PLCXD3: variants seen among roughly 807,000 people sequenced by gnomAD.
The protein encoded by PLCXD3 is PI-PLC X domain-containing protein 3.
In PLCXD3, 19 loss-of-function variants were observed where a neutral mutation model predicts 25.5. The observed-to-expected ratio is 0.75, with a 90% CI of 0.52 to 1.09. The LOEUF is 1.09. PLCXD3 is among the 50% of genes least tolerant of loss of function. The pLI, the probability that PLCXD3 is intolerant of heterozygous loss-of-function variation, is 0.00. For missense variants in PLCXD3, 411 were observed against 388.1 expected (o/e 1.06, Z -0.50); for synonymous variants, 174 against 137.6 (o/e 1.26, Z -1.85).
chr5:41,331,536 C>G (rs979364625), intron 2 of PLCXD3, among the ~76,000 whole-genome samples: 3 of 152,172 alleles, frequency 2.0e-5, no homozygotes, highest in African/African-American at 7.2e-5. Context: ...TTTGTAGATT[C>G]AAGGCCATCC....
At chr5:41,463,919 T>C (rs1391727597) in intron 1 of PLCXD3, among the ~76,000 whole-genome samples, 2 of 151,974 alleles carry the variant, frequency 1.3e-5, no homozygotes, top group South Asian at 4.1e-4. Flanking sequence ...TCCTACATCC[T>C]TGGGAGCTCA....
intron 2 of PLCXD3, among the ~76,000 whole-genome samples, chr5:41,327,180 A>C (rs147414598): frequency 1.3e-5 from 2 of 152,262 alleles, no homozygotes; most frequent in African/African-American, 4.8e-5. Context: ...GCACATGCAA[A>C]AGCATGTGGG....
chr5:41,382,611 C>T, intron 1 of PLCXD3, 77 bp from the exon 2 acceptor site: 1 of 1,108,792 alleles, frequency 9.0e-7, no homozygotes, highest in South Asian at 1.6e-5. Context: ...CTTGCAATAT[C>T]CATACCTCTC....
chr5:41,323,364 G>A (rs926750946), intron 2 of PLCXD3, among the ~76,000 whole-genome samples: 1 of 152,192 alleles, frequency 6.6e-6, no homozygotes, highest in Non-Finnish European at 1.5e-5. Flanking sequence ...CTTAAAAAGT[G>A]TAATTGGATT....
intron 1 of PLCXD3, among the ~76,000 whole-genome samples, chr5:41,501,945 G>A (rs761624243): frequency 6.6e-6 from 1 of 152,140 alleles, no homozygotes; most frequent in Non-Finnish European, 1.5e-5. Flanking sequence ...CCTGAAGGTA[G>A]GGAAGATATT....
chr5:41,321,618 G>A (rs1382003925), intron 2 of PLCXD3, among the ~76,000 whole-genome samples: 1 of 152,128 alleles, frequency 6.6e-6, no homozygotes, highest in African/African-American at 2.4e-5. Context: ...ACCCAGCATA[G>A]CCAAAGTTAT....
intron 1 of PLCXD3, among the ~76,000 whole-genome samples, chr5:41,432,729 G>T (rs1272490529): frequency 2.6e-5 from 4 of 152,136 alleles, no homozygotes. Flanking sequence ...AGAACATTCT[G>T]TTTATTTAAT....
intron 1 of PLCXD3, among the ~76,000 whole-genome samples, chr5:41,461,389 G>A (rs1346461458): frequency 6.6e-6 from 1 of 151,924 alleles, no homozygotes; most frequent in African/African-American, 2.4e-5. Flanking sequence ...TAAAAGGGGA[G>A]AAAGTGTAAT....
intron 2 of PLCXD3, among the ~76,000 whole-genome samples, chr5:41,321,780 T>C (rs979815220): frequency 1.3e-5 from 2 of 152,186 alleles, no homozygotes; most frequent in African/African-American, 4.8e-5. Flanking sequence ...ACATTTACGG[T>C]CAACTCACTT....
intron 2 of PLCXD3, 59 bp from the exon 3 acceptor site, chr5:41,313,829 A>G: frequency 6.7e-7 from 1 of 1,488,586 alleles, no homozygotes; most frequent in East Asian, 2.3e-5. Flanking sequence ...TTCAAGCTCT[A>G]CAATTCTCAG....
At chr5:41,473,928 C>T (rs920338053) in intron 1 of PLCXD3, among the ~76,000 whole-genome samples, 12 of 152,150 alleles carry the variant, frequency 7.9e-5, no homozygotes, top group African/African-American at 2.7e-4. Flanking sequence ...GCCCCTTCCT[C>T]TTTTTAAATT....
chr5:41,492,625 TG>T lies in PLCXD3; in HGVS notation c.103+17798del, dbSNP rs576398834. On this transcript the variant is annotated intron_variant, in intron 1 of 2. Transcript: ENST00000377801. ...ATAGTCCCATATTTCTTGGAGGCTT[TG>T]TTCGTTTCTTTTTATTCTTTTTTTC... 4.5e-3 allele frequency among the ~76,000 whole-genome samples: 687 copies of T among 152,302 alleles called. 9 individuals carry two copies. The highest frequency in any genetic ancestry group is 0.016 in the African/African-American group (656 of 41,562).
chr5:41,430,142 T>C (rs1046486372), intron 1 of PLCXD3, among the ~76,000 whole-genome samples: 1 of 152,212 alleles, frequency 6.6e-6, no homozygotes, highest in African/African-American at 2.4e-5. Flanking sequence ...AACTCCATCA[T>C]AGTAACAATA....
chr5:41,491,753 C>T (rs1748702766), intron 1 of PLCXD3, among the ~76,000 whole-genome samples: 2 of 152,038 alleles, frequency 1.3e-5, no homozygotes, highest in Non-Finnish European at 2.9e-5. Context: ...ACTAGGATTG[C>T]AACCCCTGCC....
intron 1 of PLCXD3, among the ~76,000 whole-genome samples, chr5:41,460,596 G>A (rs563030654): frequency 1.3e-5 from 2 of 151,954 alleles, no homozygotes; most frequent in Non-Finnish European, 2.9e-5. Context: ...TACCCTTGGT[G>A]AGCAGGAAAT....
intron 1 of PLCXD3, among the ~76,000 whole-genome samples, chr5:41,490,316 A>G (rs1431624553): frequency 8.5e-5 from 13 of 152,182 alleles, no homozygotes; most frequent in South Asian, 6.2e-4. Flanking sequence ...GCTTTTTGAC[A>G]TGCTGCTGGA....
At position 41,427,158 on chromosome 5, in the gene PLCXD3, T is replaced by G. The variant is rs919832032; in HGVS notation, c.104-44624A>C. ...CAATATGACAATTCATGTTTCTAATTAAATCTGGAAAATTTTCAGACATGA... is the reference window on the plus strand; with the variant it reads ...CAATATGACAATTCATGTTTCTAATGAAATCTGGAAAATTTTCAGACATGA... On this transcript the variant is annotated intron_variant, in intron 1 of 2. Transcript: ENST00000377801. 1.7e-4 allele frequency among the ~76,000 whole-genome samples: 26 copies of G among 152,180 alleles called. 1 individual carries two copies. Among genetic ancestry groups the G allele is most frequent in the Admixed American group, 1.7e-3 (26 of 15,268 alleles).
chr5:41,371,558 C>T (rs944280376), intron 2 of PLCXD3, among the ~76,000 whole-genome samples: 1 of 152,072 alleles, frequency 6.6e-6, no homozygotes, highest in African/African-American at 2.4e-5. Flanking sequence ...TTCCTTAGAC[C>T]CTTCCTCAAG....
chr5:41,463,039 A>G (rs1278339327), intron 1 of PLCXD3, among the ~76,000 whole-genome samples: 1 of 152,038 alleles, frequency 6.6e-6, no homozygotes, highest in Non-Finnish European at 1.5e-5. Context: ...TGATTTGAGT[A>G]GGAAAATGAA....
Sources: allele counts gnomAD v4.1 joint callset (sites outside exome capture counted in the v4.1 genomes callset), GRCh38; gene constraint gnomAD v4.1.1; transcripts MANE v1.5; gene names NCBI Gene and HGNC (gene_info 2026-07-23, HGNC 2026-07-21).